The following SNX5 variants were observed in gnomAD, a reference collection of about 807,000 sequenced individuals.
The protein encoded by SNX5 is sorting nexin 5, also known as sorting nexin-5.
Under a neutral mutation model 53.9 loss-of-function variants are expected in SNX5, and 31 were observed. That is an observed-to-expected ratio of 0.58 (90% CI 0.43 to 0.78). The LOEUF (loss-of-function observed/expected upper bound fraction) is 0.78. Among genes scored for constraint, SNX5 ranks in the 30% least tolerant of loss-of-function variants. The probability of loss-of-function intolerance (pLI) is 0.00; values close to 1 mark genes in which losing one functional copy is unlikely to be tolerated. For missense variants in SNX5, 471 were observed against 478.8 expected (o/e 0.98, Z 0.15); for synonymous variants, 168 against 171.1 (o/e 0.98, Z 0.14).
chr20:17,947,595 G>A lies in SNX5; in HGVS notation c.969C>T (p.Asn323=). The A allele has an allele frequency of 6.2e-7, 1 of 1,613,996 alleles. No individual in the cohort carries two copies. The highest frequency in any genetic ancestry group is 8.5e-7 in the Non-Finnish European group (1 of 1,179,918). ...TTAACCGGGCCTTATCCAGAGCTTTGTTTGAGTTCTCATAGTCAATGAGGG... is the reference window on the plus strand; with the variant it reads ...TTAACCGGGCCTTATCCAGAGCTTTATTTGAGTTCTCATAGTCAATGAGGG... ...TKALIDYENS[N]KALDKARLKS... The change falls in exon 11 of 13, where the codon AAC becomes AAT. Residue 323 remains asparagine (N), a synonymous_variant. Transcript: ENST00000377759.
At chr20:17,948,113 C>T (rs2039511389) in intron 10 of SNX5, among the ~76,000 whole-genome samples, 1 of 152,168 alleles carries the variant, frequency 6.6e-6, no homozygotes, top group South Asian at 2.1e-4. Flanking sequence ...TCTTTGCAAT[C>T]TTACAACAGA....
chr20:17,956,703 A>AC, intron 2 of SNX5, among the ~76,000 whole-genome samples: 1 of 117,780 alleles, frequency 8.5e-6, no homozygotes, highest in South Asian at 2.9e-4. Context: ...AAAAAAAAAA[A>AC]ACAAAAAAAC....
At chr20:17,965,927 T>C (rs777273421) in intron 1 of SNX5, among the ~76,000 whole-genome samples, 3 of 152,092 alleles carry the variant, frequency 2.0e-5, no homozygotes, top group South Asian at 2.1e-4. Flanking sequence ...AAGTTCAGGA[T>C]TGTTCCTATA....
chr20:17,952,535 G>T, intron 5 of SNX5, 52 bp downstream of exon 5: 1 of 1,552,984 alleles, frequency 6.4e-7, no homozygotes, highest in East Asian at 2.3e-5. Flanking sequence ...AGTACATTTT[G>T]AAAGTATAAA....
intron 1 of SNX5, chr20:17,962,747 T>C (rs753721234): frequency 1.9e-6 from 1 of 519,118 alleles, no homozygotes; most frequent in Non-Finnish European, 3.8e-6. Flanking sequence ...GTGAGATGGG[T>C]CTCAGAGGGC....
At chr20:17,949,375 T>C (rs1312027521) in intron 8 of SNX5, among the ~76,000 whole-genome samples, 1 of 152,234 alleles carries the variant, frequency 6.6e-6, no homozygotes, top group African/African-American at 2.4e-5. Context: ...ATGCCAATGC[T>C]GTGTAAACCA....
chr20:17,961,675 T>C lies in SNX5; in HGVS notation c.52-4638A>G, dbSNP rs893019267. The C allele has an allele frequency of 2.1e-5, 21 of 984,730 alleles. No homozygotes were observed. In the Admixed American group the frequency reaches 7.4e-4, roughly 35 times the overall value. The allele number at this position is 984,730 out of a possible 1,614,324, so 61.0% of individuals were successfully genotyped here. ...GTTTCCATTCCAAAAGCAGAAGATA[T>C]GTACTTAAGCAGCACATGCTACAGT... On this transcript the variant is annotated intron_variant, in intron 1 of 12. Coordinates refer to ENST00000377759, the MANE Select transcript of SNX5 (RefSeq NM_014426.4).
intron 1 of SNX5, chr20:17,962,686 T>TA (rs1275103579): frequency 5.8e-6 from 3 of 514,968 alleles, no homozygotes; most frequent in Non-Finnish European, 1.2e-5. Context: ...ATCGGCTTAA[T>TA]AAAAAACTAA....
intron 4 of SNX5, 125 bp from the exon 5 acceptor site, chr20:17,952,835 T>C (rs1463019462): frequency 8.9e-7 from 1 of 1,121,454 alleles, no homozygotes. Context: ...GACCAAACAG[T>C]ATTTCAGTAT....
At position 17,950,283 on chromosome 20, in the gene SNX5, A is replaced by G. The variant is rs371332910; in HGVS notation, c.715+8T>C. On this transcript the variant is annotated splice_region_variant and intron_variant, in intron 7 of 12. Transcript: ENST00000377759. ...GCAAAGCTCTGACTAGCGGTAAATG[A>G]TATTTACTTTTATGAGATCTGGTCA... 2 of 1,606,754 alleles carry G rather than the reference A, an allele frequency of 1.2e-6. No homozygotes were observed. Among genetic ancestry groups the G allele is most frequent in the Non-Finnish European group, 1.7e-6 (2 of 1,173,434 alleles).
At chr20:17,947,925 TA>T (rs1361196369) in intron 10 of SNX5, among the ~76,000 whole-genome samples, 4 of 152,216 alleles carry the variant, frequency 2.6e-5, no homozygotes, top group African/African-American at 9.7e-5. Flanking sequence ...AAGTTAACTT[TA>T]AAAATTAAAT....
Position 17,942,416 on chromosome 20 carries a change from A to G in SNX5, c.1165-9T>C. ...AAAAGGGAGACATTGTTCTGTGGGG[A>G]AAAAAGGCAAGGCAGACCAGTGAAT... On this transcript the variant is annotated splice_polypyrimidine_tract_variant and intron_variant, in intron 12 of 12. Coordinates refer to ENST00000377759, the MANE Select transcript of SNX5 (RefSeq NM_014426.4). 5 of 1,602,934 alleles carry G rather than the reference A, an allele frequency of 3.1e-6. No individual in the cohort carries two copies. Among genetic ancestry groups the G allele is most frequent in the Non-Finnish European group, 4.3e-6 (5 of 1,170,168 alleles).
chr20:17,961,238 T>G, intron 1 of SNX5: 1 of 985,430 alleles, frequency 1.0e-6, no homozygotes, highest in Non-Finnish European at 1.2e-6. Flanking sequence ...AAACTCACTT[T>G]TGGTCCAAAT....
chr20:17,943,083 T>C lies in SNX5; in HGVS notation c.1164+27A>G, dbSNP rs781398520. 71 of 1,435,392 alleles carry C rather than the reference T, an allele frequency of 4.9e-5. 2 individuals carry two copies. In the South Asian group the frequency reaches 7.9e-4, roughly 16 times the overall value. 88.9% of individuals were successfully genotyped at this position (1,435,392 alleles called of 1,614,324 possible). Reference sequence around the variant, plus strand: ...AACTTGGAAAAAACCATAAAAGATGTTGGCTTCATCTGTAGAAAACACTTA... The same window carrying C: ...AACTTGGAAAAAACCATAAAAGATGCTGGCTTCATCTGTAGAAAACACTTA... On this transcript the variant is annotated intron_variant, in intron 12 of 12. Coordinates refer to ENST00000377759, the MANE Select transcript of SNX5 (RefSeq NM_014426.4).
chr20:17,942,558 T>C, intron 12 of SNX5, 151 bp from the exon 13 acceptor site: 1 of 672,870 alleles, frequency 1.5e-6, no homozygotes, highest in Non-Finnish European at 2.7e-6. Flanking sequence ...CCAGGTGAAC[T>C]GCAACGTACC....
intron 2 of SNX5, 64 bp downstream of exon 2, chr20:17,956,869 C>G: frequency 1.2e-6 from 1 of 854,018 alleles, no homozygotes; most frequent in South Asian, 1.3e-5. Flanking sequence ...TCTCTTCTCA[C>G]ATCCACTGTG....
intron 5 of SNX5, among the ~76,000 whole-genome samples, chr20:17,951,914 G>C (rs1019690038): frequency 3.3e-5 from 5 of 152,156 alleles, no homozygotes; most frequent in African/African-American, 1.2e-4. Context: ...ATGTTAAAAA[G>C]AAAAATAGCA....
Position 17,950,310 on chromosome 20 carries a change from T to C in SNX5, c.696A>G (p.Lys232=). 1 of 1,613,038 alleles carries C rather than the reference T, an allele frequency of 6.2e-7. No homozygotes were observed. The highest frequency in any genetic ancestry group is 1.1e-5 in the South Asian group (1 of 91,052). The change falls in exon 7 of 13, where the codon AAA becomes AAG. Residue 232 remains lysine (K), a synonymous_variant. Transcript: ENST00000377759. ...RIKDSCVKAD[K]MTRSHKNVAD... The stretch of plus-strand genomic sequence containing the variant: ...ATTTACTTTTATGAGATCTGGTCAT[T>C]TTGTCAGCTTTCACACAAGAATCTT...
chr20:17,967,085 T>A (rs1019279422), intron 1 of SNX5, among the ~76,000 whole-genome samples: 4 of 152,098 alleles, frequency 2.6e-5, no homozygotes, highest in African/African-American at 9.7e-5. Context: ...TGCTGGAGGA[T>A]CAGGGTGGTG....
Sources: gnomAD v4.1 joint callset for allele counts (sites outside exome capture counted in the v4.1 genomes callset) on GRCh38, gnomAD v4.1.1 for gene constraint, MANE v1.5 for transcripts, NCBI Gene and HGNC (gene_info 2026-07-23, HGNC 2026-07-21) for gene names.